Variants in HLCS observed in about 807,000 individuals in gnomAD.
HLCS encodes holocarboxylase synthetase, also known as biotin--protein ligase.
HLCS carries 53 observed loss-of-function variants against 75.0 expected under a neutral mutation model. The ratio of observed to expected loss-of-function variants is 0.71; its 90% CI spans 0.57 to 0.89. The LOEUF (loss-of-function observed/expected upper bound fraction) is 0.89, where lower values mean the gene tolerates loss of function less well. Ranked by LOEUF, HLCS falls within the 40% of genes least tolerant of loss-of-function variation. HLCS has a pLI of 0.00. For synonymous variants in HLCS, 431 were observed against 428.6 expected (o/e 1.01, Z -0.07); for missense variants, 966 against 1,074.0 (o/e 0.90, Z 1.41).
At chr21:36,781,160 G>A (rs2060519473) in intron 6 of HLCS, among the ~76,000 whole-genome samples, 1 of 151,688 alleles carries the variant, frequency 6.6e-6, no homozygotes. Flanking sequence ...GAGAATCTAA[G>A]GCCTGATGAT....
At chr21:36,800,547 G>A (rs747942799) in intron 6 of HLCS, among the ~76,000 whole-genome samples, 5 of 151,994 alleles carry the variant, frequency 3.3e-5, no homozygotes, top group South Asian at 2.1e-4. Flanking sequence ...TATTAACCCC[G>A]TTGTACCAGT....
intron 6 of HLCS, among the ~76,000 whole-genome samples, chr21:36,860,464 T>C (rs1201231022): frequency 6.6e-6 from 1 of 152,216 alleles, no homozygotes; most frequent in Admixed American, 6.5e-5. Flanking sequence ...GCTGCTGATG[T>C]TTTATTGTTA....
Position 36,818,379 on chromosome 21 carries a change from C to A in HLCS, c.1893-51094G>T, listed in dbSNP as rs144513588. ...CTCAACAACTTCACCAAAAGGCACACTATTAGATTCTGAGTGTCTAAAATA... is the reference window on the plus strand; with the variant it reads ...CTCAACAACTTCACCAAAAGGCACAATATTAGATTCTGAGTGTCTAAAATA... On this transcript the variant is annotated intron_variant, in intron 6 of 10. Transcript: ENST00000674895. 4.2e-3 allele frequency among the ~76,000 whole-genome samples: 647 copies of A among 152,296 alleles called. 4 individuals are homozygous for A. The highest frequency in any genetic ancestry group is 0.015 in the African/African-American group (611 of 41,548).
At chr21:36,761,684 A>G (rs2089851030) in intron 8 of HLCS, among the ~76,000 whole-genome samples, 1 of 152,180 alleles carries the variant, frequency 6.6e-6, no homozygotes, top group Non-Finnish European at 1.5e-5. Flanking sequence ...CAGGGCCCAC[A>G]TATCAATAGC....
chr21:36,796,531 C>T lies in HLCS; in HGVS notation c.1893-29246G>A, dbSNP rs116676297. ...ATCTGTTTTAGATGTATAAGCAGGG[C>T]CCACGAGAGCTGTGAGGAACCAGGA... On this transcript the variant is annotated intron_variant, in intron 6 of 10. Coordinates refer to ENST00000674895, the MANE Select transcript of HLCS (RefSeq NM_001352514.2). Among the ~76,000 whole-genome samples the T allele has an allele frequency of 5.1e-3, 773 of 152,208 alleles. 9 individuals carry two copies. Among genetic ancestry groups the T allele is most frequent in the African/African-American group, 0.018 (750 of 41,532 alleles).
At position 36,938,995 on chromosome 21, in the gene HLCS, CT is replaced by C; in HGVS notation, c.331-2del. 2 of 1,604,644 alleles carry C rather than the reference CT, an allele frequency of 1.2e-6. No homozygotes were observed. Among genetic ancestry groups the C allele is most frequent in the South Asian group, 2.2e-5 (2 of 90,842 alleles). ...AACAACAGTCTGACCACTTGACAAT[CT>C]GAGAAAAAGCAGGAGAGGGAGGAGG... On this transcript the variant is annotated splice_acceptor_variant, in intron 2 of 10. Transcript: ENST00000674895. LOFTEE classifies it high-confidence loss of function.
chr21:36,790,202 A>G lies in HLCS; in HGVS notation c.1893-22917T>C, dbSNP rs138345469. 3.4e-4 allele frequency among the ~76,000 whole-genome samples: 52 copies of G among 152,286 alleles called. No homozygotes were observed. In the South Asian group the frequency reaches 6.0e-3, roughly 18 times the overall value. On this transcript the variant is annotated intron_variant, in intron 6 of 10. Transcript: ENST00000674895. ...GGGCCCATCACGAGGTCAGGAGATC[A>G]AGACCATCCTAGCCAACATGGTGAA...
At chr21:36,804,216 G>A (rs2061297228) in intron 6 of HLCS, 1 of 152,266 alleles carries the variant, frequency 6.6e-6, no homozygotes, top group Admixed American at 6.6e-5. Context: ...CTGGTCCCTG[G>A]GTTCAATGCA....
intron 6 of HLCS, among the ~76,000 whole-genome samples, chr21:36,785,249 G>A (rs138942346): frequency 3.3e-5 from 5 of 152,184 alleles, no homozygotes; most frequent in East Asian, 1.9e-4. Context: ...CTCGTTTGCC[G>A]GGATGCTTAG....
intron 5 of HLCS, among the ~76,000 whole-genome samples, chr21:36,909,228 G>A (rs905134308): frequency 2.0e-5 from 3 of 152,032 alleles, no homozygotes; most frequent in Admixed American, 6.6e-5. Flanking sequence ...GGAATCTTTC[G>A]GAATACTGGA....
intron 5 of HLCS, among the ~76,000 whole-genome samples, chr21:36,905,361 G>A (rs571875976): frequency 6.6e-6 from 1 of 152,158 alleles, no homozygotes; most frequent in Non-Finnish European, 1.5e-5. Context: ...AGATGGCTAC[G>A]TAAGCATCAA....
At chr21:36,955,202 G>A (rs2067875791) in intron 2 of HLCS, among the ~76,000 whole-genome samples, 1 of 152,206 alleles carries the variant, frequency 6.6e-6, no homozygotes, top group African/African-American at 2.4e-5. Context: ...GAGGACACAT[G>A]TGCAGTGAAA....
intron 6 of HLCS, among the ~76,000 whole-genome samples, chr21:36,828,404 A>AATGG (rs60452219): frequency 6.6e-6 from 1 of 151,408 alleles, no homozygotes; most frequent in Admixed American, 6.6e-5. Context: ...TGAATGAATG[A>AATGG]GTGAATAAAT....
At chr21:36,968,463 G>A (rs941920443), upstream of HLCS, 1 of 152,012 alleles carries the variant, frequency 6.6e-6, no homozygotes, top group African/African-American at 2.4e-5. Flanking sequence ...AGAAATAACT[G>A]GGCTTAAAAG....
At chr21:36,793,433 C>G (rs545088415) in intron 6 of HLCS, among the ~76,000 whole-genome samples, 72 of 151,988 alleles carry the variant, frequency 4.7e-4, no homozygotes, top group African/African-American at 1.6e-3. Context: ...TCCCAAGTAG[C>G]TGGGATTACA....
chr21:36,898,445 T>TAAAAAA (rs2065101282), intron 5 of HLCS, among the ~76,000 whole-genome samples: 1 of 21,380 alleles, frequency 4.7e-5, no homozygotes, highest in African/African-American at 7.9e-4. Context: ...AAACTCCATC[T>TAAAAAA]CAAAAAAAAA....
chr21:36,896,778 T>C, intron 6 of HLCS, 82 bp downstream of exon 6: 1 of 1,485,122 alleles, frequency 6.7e-7, no homozygotes, highest in Non-Finnish European at 9.4e-7. Flanking sequence ...TACAACTCTA[T>C]CCCCTCCCCG....
chr21:36,900,539 A>G (rs946617003), intron 5 of HLCS, among the ~76,000 whole-genome samples: 12 of 152,120 alleles, frequency 7.9e-5, no homozygotes, highest in Admixed American at 6.5e-4. Flanking sequence ...CTTTCACTCG[A>G]GGAGCAACAG....
At chr21:36,846,200 T>C (rs1220806974) in intron 6 of HLCS, among the ~76,000 whole-genome samples, 1 of 152,222 alleles carries the variant, frequency 6.6e-6, no homozygotes, top group Non-Finnish European at 1.5e-5. Context: ...CAGTAAATGT[T>C]GGCTTTGTAA....
Sources: allele counts gnomAD v4.1 joint callset (sites outside exome capture counted in the v4.1 genomes callset), GRCh38; gene constraint gnomAD v4.1.1; transcripts MANE v1.5; gene names NCBI Gene and HGNC (gene_info 2026-07-23, HGNC 2026-07-21).